SNX14: variants seen among roughly 807,000 people sequenced by gnomAD.
The protein encoded by SNX14 is sorting nexin 14.
SNX14 carries 93 observed loss-of-function variants against 133.8 expected under a neutral mutation model. The observed-to-expected ratio is 0.70, with a 90% confidence interval of 0.59 to 0.83. The LOEUF is 0.83. Among genes scored for constraint, SNX14 ranks in the 40% least tolerant of loss-of-function variants. The probability of loss-of-function intolerance (pLI) is 0.00; values close to 1 mark genes in which losing one functional copy is unlikely to be tolerated. For missense variants in SNX14, 945 were observed against 1,094.9 expected (o/e 0.86, Z 1.93); for synonymous variants, 368 against 365.6 (o/e 1.01, Z -0.07).
intron 13 of SNX14, 71 bp from the exon 14 acceptor site, chr6:85,543,377 CT>C (rs1338817510): frequency 7.4e-7 from 1 of 1,344,824 alleles, no homozygotes; most frequent in East Asian, 2.6e-5. Flanking sequence ...AAACGTTTTA[CT>C]GAAACTCCAC....
intron 23 of SNX14, among the ~76,000 whole-genome samples, chr6:85,516,680 C>T (rs1775128797): frequency 1.3e-5 from 2 of 149,236 alleles, no homozygotes; most frequent in South Asian, 4.3e-4. Context: ...CTCTGTCCCC[C>T]AGGCTGAAGT....
chr6:85,557,884 GTTAA>G (rs1480436927), intron 7 of SNX14, 88 bp downstream of exon 7: 5 of 726,348 alleles, frequency 6.9e-6, no homozygotes, highest in African/African-American at 3.7e-5. Context: ...GAATATGTAA[GTTAA>G]TTAATCAGTA....
intron 6 of SNX14, among the ~76,000 whole-genome samples, chr6:85,560,902 C>G (rs967449146): frequency 6.6e-6 from 1 of 151,324 alleles, no homozygotes; most frequent in Non-Finnish European, 1.5e-5. Context: ...GGCATGGTGG[C>G]GGGCACCTGT....
intron 6 of SNX14, among the ~76,000 whole-genome samples, chr6:85,561,747 T>C (rs1791679709): frequency 6.6e-6 from 1 of 152,162 alleles, no homozygotes; most frequent in Non-Finnish European, 1.5e-5. Context: ...CAAGCTTTAA[T>C]ATATGAACTT....
chr6:85,505,921 G>T lies in SNX14; in HGVS notation c.*46C>A. ...AAAAAAGTAAATTTCTACCACCCTC[G>T]CACAGCAGAAATTTCAATGGGTTAT... On this transcript the variant is annotated 3_prime_UTR_variant, in exon 29 of 29. Transcript: ENST00000314673. 3 of 1,384,454 alleles carry T rather than the reference G, an allele frequency of 2.2e-6. No individual in the cohort carries two copies. Among genetic ancestry groups the T allele is most frequent in the South Asian group, 1.2e-5 (1 of 86,124 alleles). 85.8% of individuals were successfully genotyped at this position (1,384,454 alleles called of 1,614,324 possible).
chr6:85,592,825 TA>T (rs11427677), intron 1 of SNX14, among the ~76,000 whole-genome samples: 35,509 of 130,560 alleles, frequency 0.27, 5,492 homozygotes, highest in East Asian at 0.4. Flanking sequence ...CCGTCTCTAC[TA>T]AAAAAAAAAA....
At chr6:85,543,547 A>G in intron 13 of SNX14, 58 bp downstream of exon 13, 2 of 1,409,744 alleles carry the variant, frequency 1.4e-6, no homozygotes, top group Non-Finnish European at 1.9e-6. Context: ...ATAAACAGAA[A>G]ATAAATGGAA....
At chr6:85,541,449 ATGTC>A (rs1416545536) in intron 15 of SNX14, among the ~76,000 whole-genome samples, 2 of 152,152 alleles carry the variant, frequency 1.3e-5, no homozygotes, top group African/African-American at 2.4e-5. Context: ...TATAGATTTG[ATGTC>A]TGTATCAATT....
intron 21 of SNX14, among the ~76,000 whole-genome samples, chr6:85,519,491 G>A (rs4707208): frequency 0.11 from 15,997 of 152,214 alleles, 1,186 homozygotes; most frequent in Admixed American, 0.23. Context: ...AGCCAGGTGT[G>A]CTGGTGTGTA....
chr6:85,517,984 A>C, intron 22 of SNX14, 24 bp downstream of exon 22: 3 of 1,597,782 alleles, frequency 1.9e-6, no homozygotes, highest in South Asian at 2.3e-5. Flanking sequence ...CATGTTATAG[A>C]ACACACATAA....
intron 21 of SNX14, among the ~76,000 whole-genome samples, chr6:85,523,784 G>C (rs1037230584): frequency 5.3e-5 from 8 of 151,654 alleles, no homozygotes; most frequent in Non-Finnish European, 1.0e-4. Flanking sequence ...GATGTGTAGT[G>C]AGAGCATGGG....
intron 12 of SNX14, 149 bp downstream of exon 12, chr6:85,546,963 A>C: frequency 1.5e-6 from 1 of 653,282 alleles, no homozygotes; most frequent in East Asian, 2.9e-5. Context: ...TTCCGCCTCA[A>C]ACAAAAAAAA....
Position 85,513,899 on chromosome 6 carries a change from A to T in SNX14, c.2558-4T>A. On this transcript the variant is annotated splice_polypyrimidine_tract_variant and splice_region_variant and intron_variant, in intron 25 of 28. Coordinates refer to ENST00000314673, the MANE Select transcript of SNX14 (RefSeq NM_153816.6). Reference sequence around the variant, plus strand: ...GTGTTTTCACAGAATATAGCATCTAAAAAAGAGTAAAAAGAAATATTTCTG... The same window carrying T: ...GTGTTTTCACAGAATATAGCATCTATAAAAGAGTAAAAAGAAATATTTCTG... 1 of 1,597,702 alleles carries T rather than the reference A, an allele frequency of 6.3e-7. No individual in the cohort carries two copies. Among genetic ancestry groups the T allele is most frequent in the Non-Finnish European group, 8.5e-7 (1 of 1,173,198 alleles).
At chr6:85,532,049 A>G (rs988583255) in intron 18 of SNX14, among the ~76,000 whole-genome samples, 8 of 152,088 alleles carry the variant, frequency 5.3e-5, no homozygotes, top group African/African-American at 1.9e-4. Context: ...AAATTAAATT[A>G]AAAAATAAAA....
chr6:85,574,154 A>G lies in SNX14; in HGVS notation c.261+104T>C, dbSNP rs569218474. 1,469 of 1,012,796 alleles carry G rather than the reference A, an allele frequency of 1.5e-3. 8 individuals carry two copies. The highest frequency in any genetic ancestry group is 3.3e-3 in the Middle Eastern group (9 of 2,708). 62.7% of individuals were successfully genotyped at this position (1,012,796 alleles called of 1,614,324 possible). On this transcript the variant is annotated intron_variant, in intron 2 of 28. Transcript: ENST00000314673. ...AAAGAGAAGAAATTGAAAGAAAACA[A>G]ATTTTGTAAATTAAAAAAATATACT...
At chr6:85,585,866 G>A (rs1800659155) in intron 1 of SNX14, among the ~76,000 whole-genome samples, 1 of 151,674 alleles carries the variant, frequency 6.6e-6, no homozygotes, top group Non-Finnish European at 1.5e-5. Context: ...GTTGGACACA[G>A]TATCGGTGGA....
At chr6:85,582,818 T>A (rs1203244539) in intron 1 of SNX14, among the ~76,000 whole-genome samples, 1 of 152,126 alleles carries the variant, frequency 6.6e-6, no homozygotes, top group Non-Finnish European at 1.5e-5. Flanking sequence ...ACCAGAAGGA[T>A]TCACAGCCAA....
At position 85,507,949 on chromosome 6, in the gene SNX14, G is replaced by A. The variant is rs201483566; in HGVS notation, c.2745+19C>T. ...CCAAACCTAGCCAGCATGAGTTTAC[G>A]AGCTTTAATGAGCTTTACCTGCTTG... On this transcript the variant is annotated intron_variant, in intron 27 of 28. Transcript: ENST00000314673. 2.2e-5 allele frequency: 36 copies of A among 1,604,694 alleles called. No individual in the cohort carries two copies. The highest frequency in any genetic ancestry group is 2.7e-5 in the Non-Finnish European group (32 of 1,173,398).
intron 20 of SNX14, among the ~76,000 whole-genome samples, chr6:85,527,402 T>TA (rs1056153964): frequency 4.6e-5 from 7 of 151,558 alleles, no homozygotes; most frequent in African/African-American, 1.5e-4. Flanking sequence ...TATATATTTT[T>TA]TTTTCAACTT....
Sources: allele counts gnomAD v4.1 joint callset (sites outside exome capture counted in the v4.1 genomes callset), GRCh38; gene constraint gnomAD v4.1.1; transcripts MANE v1.5; gene names NCBI Gene and HGNC (gene_info 2026-07-23, HGNC 2026-07-21).